The following CHN2 variants were observed in gnomAD, a reference collection of about 807,000 sequenced individuals.
The protein encoded by CHN2 is chimerin 2.
CHN2 carries 35 observed loss-of-function variants against 56.3 expected under a neutral mutation model. That is an observed-to-expected ratio of 0.62 (90% CI 0.47 to 0.82). CHN2 has a LOEUF of 0.82. CHN2 is among the 40% of genes least tolerant of loss of function. The pLI, the probability that CHN2 is intolerant of heterozygous loss-of-function variation, is 0.00. For missense variants in CHN2, 491 were observed against 580.5 expected, an observed-to-expected ratio of 0.85 and a Z score of 1.58; for synonymous variants, 210 against 212.8, an observed-to-expected ratio of 0.99 and a Z score of 0.12.
intron 1 of CHN2, among the ~76,000 whole-genome samples, chr7:29,252,891 G>A (rs1024166543): frequency 6.6e-6 from 1 of 151,916 alleles, no homozygotes; most frequent in Non-Finnish European, 1.5e-5. Flanking sequence ...CACCGCGCCC[G>A]GCCCTCTAAA....
At chr7:29,355,898 C>G (rs1455614337) in intron 2 of CHN2, among the ~76,000 whole-genome samples, 1 of 151,260 alleles carries the variant, frequency 6.6e-6, no homozygotes, top group South Asian at 2.1e-4. Flanking sequence ...ATCCTGCCCC[C>G]TCAGCCTCCC....
chr7:29,164,791 A>C (rs570933922), intron 2 of CHN2, among the ~76,000 whole-genome samples: 3 of 151,760 alleles, frequency 2.0e-5, no homozygotes, highest in East Asian at 1.9e-4. Flanking sequence ...AAAAAAAAAA[A>C]AAAAAAAAAA....
At chr7:29,466,177 G>A (rs1247618691) in intron 6 of CHN2, among the ~76,000 whole-genome samples, 1 of 151,970 alleles carries the variant, frequency 6.6e-6, no homozygotes, top group African/African-American at 2.4e-5. Flanking sequence ...ACTCCAGCCT[G>A]GGAGACAGAG....
chr7:29,479,885 C>T, intron 6 of CHN2: 1 of 1,401,906 alleles, frequency 7.1e-7, no homozygotes, highest in East Asian at 2.7e-5. Flanking sequence ...TCCAGGCGCA[C>T]GTCGGCCTTA....
intron 1 of CHN2, among the ~76,000 whole-genome samples, chr7:29,344,695 T>C (rs774388677): frequency 1.3e-5 from 2 of 152,152 alleles, no homozygotes; most frequent in Non-Finnish European, 2.9e-5. Context: ...CAGAACTTAC[T>C]CTTCTCTTTG....
At chr7:29,331,071 G>A (rs1052821032) in intron 1 of CHN2, among the ~76,000 whole-genome samples, 3 of 152,182 alleles carry the variant, frequency 2.0e-5, no homozygotes, top group Non-Finnish European at 4.4e-5. Context: ...TTTGGGCAAC[G>A]TATATGACTC....
intron 6 of CHN2, among the ~76,000 whole-genome samples, chr7:29,410,934 T>C (rs542642781): frequency 6.6e-6 from 1 of 152,320 alleles, no homozygotes; most frequent in South Asian, 2.1e-4. Flanking sequence ...CCCTAAACTC[T>C]CCTCCCTTAC....
intron 11 of CHN2, 110 bp downstream of exon 11, chr7:29,507,475 T>A: frequency 2.4e-6 from 2 of 820,890 alleles, no homozygotes; most frequent in Non-Finnish European, 3.8e-6. Flanking sequence ...TTTGTGCCTG[T>A]CTTGTCAAGT....
intron 6 of CHN2, among the ~76,000 whole-genome samples, chr7:29,446,766 A>G (rs1784063188): frequency 6.6e-6 from 1 of 152,210 alleles, no homozygotes. Context: ...GAGGCTAGGA[A>G]AAGAACCACA....
At chr7:29,488,111 C>T (rs1652798912) in intron 7 of CHN2, among the ~76,000 whole-genome samples, 1 of 152,142 alleles carries the variant, frequency 6.6e-6, no homozygotes, top group African/African-American at 2.4e-5. Flanking sequence ...TCTGTGGTGC[C>T]CGGTTTGAGA....
At chr7:29,417,148 C>T (rs1019801327) in intron 6 of CHN2, among the ~76,000 whole-genome samples, 1 of 152,284 alleles carries the variant, frequency 6.6e-6, no homozygotes, top group Non-Finnish European at 1.5e-5. Context: ...TCCTGAGCTG[C>T]GCCTCACTCA....
At chr7:29,189,042 C>T (rs1474540798) in intron 2 of CHN2, among the ~76,000 whole-genome samples, 1 of 151,616 alleles carries the variant, frequency 6.6e-6, no homozygotes, top group East Asian at 1.9e-4. Context: ...CCTCTGCCTC[C>T]TGGGTTCAAG....
intron 6 of CHN2, among the ~76,000 whole-genome samples, chr7:29,428,590 A>G (rs1458142901): frequency 6.6e-6 from 1 of 152,062 alleles, no homozygotes; most frequent in East Asian, 1.9e-4. Context: ...AACCAACACA[A>G]CAAGTGAAAT....
chr7:29,345,104 G>T (rs1276832453), intron 1 of CHN2, among the ~76,000 whole-genome samples: 1 of 152,180 alleles, frequency 6.6e-6, no homozygotes, highest in Non-Finnish European at 1.5e-5. Flanking sequence ...CAGGCCACAT[G>T]CTCTGGCTTG....
chr7:29,333,339 G>C (rs184761680), intron 1 of CHN2, among the ~76,000 whole-genome samples: 1 of 152,118 alleles, frequency 6.6e-6, no homozygotes, highest in South Asian at 2.1e-4. Context: ...GCTTCATGCC[G>C]GGGCTGCTGT....
intron 1 of CHN2, among the ~76,000 whole-genome samples, chr7:29,284,120 C>T (rs1226883262): frequency 3.3e-5 from 5 of 151,432 alleles, no homozygotes; most frequent in African/African-American, 9.7e-5. Flanking sequence ...TTTTTTGAGA[C>T]GGAGTCTGGC....
chr7:29,323,155 C>T (rs947712836), intron 1 of CHN2, among the ~76,000 whole-genome samples: 3 of 151,040 alleles, frequency 2.0e-5, no homozygotes, highest in Admixed American at 2.0e-4. Flanking sequence ...ATCCGTCCCC[C>T]CCGTTCCCCC....
At chr7:29,384,410 G>A (rs969480439) in intron 3 of CHN2, among the ~76,000 whole-genome samples, 28 of 152,040 alleles carry the variant, frequency 1.8e-4, no homozygotes, top group African/African-American at 6.3e-4. Flanking sequence ...TCTTTTTCCC[G>A]ACTGCAAAAT....
intron 1 of CHN2, among the ~76,000 whole-genome samples, chr7:29,317,124 T>A (rs551405929): frequency 2.6e-5 from 4 of 152,154 alleles, no homozygotes; most frequent in Non-Finnish European, 4.4e-5. Flanking sequence ...ACACAGATAA[T>A]GAGCACAGTT....
Sources: gnomAD v4.1 joint callset for allele counts (sites outside exome capture counted in the v4.1 genomes callset) on GRCh38, gnomAD v4.1.1 for gene constraint, MANE v1.5 for transcripts, NCBI Gene and HGNC (gene_info 2026-07-23, HGNC 2026-07-21) for gene names.